Variants in ADAMTS13 observed in about 807,000 individuals in gnomAD.
ADAMTS13 encodes ADAM metallopeptidase with thrombospondin type 1 motif 13.
A neutral mutation model predicts 155.1 loss-of-function variants in ADAMTS13; 110 were observed. That is an observed-to-expected ratio of 0.71 (90% CI 0.61 to 0.83). The LOEUF is 0.83. Ranked by LOEUF, ADAMTS13 falls within the 40% of genes least tolerant of loss-of-function variation. The probability of loss-of-function intolerance (pLI) is 0.00; values close to 1 mark genes in which losing one functional copy is unlikely to be tolerated. For missense variants in ADAMTS13, 1,707 were observed against 1,891.7 expected (o/e 0.90, Z 1.81); for synonymous variants, 758 against 756.4 (o/e 1.00, Z -0.03).
upstream of ADAMTS13, chr9:133,417,932 A>G: frequency 1.5e-6 from 2 of 1,305,192 alleles, no homozygotes; most frequent in South Asian, 1.4e-5. Context: ...GCGCCTGCCC[A>G]GGCCAGGCCG....
upstream of ADAMTS13, among the ~76,000 whole-genome samples, chr9:133,420,932 G>T (rs1839926727): frequency 6.6e-6 from 1 of 152,242 alleles, no homozygotes; most frequent in Non-Finnish European, 1.5e-5. Flanking sequence ...ATGGCAGGAG[G>T]ACAGTGTGGG....
Position 133,429,957 on chromosome 9 carries a change from C to T in ADAMTS13, c.843C>T (p.Cys281=). ...LSLLSAGRAR[C]VWDPPRPQPG... ...GTCGCAGCGCAGGACGGGCGCGCTG[C>T]GTGTGGGACCCGCCGCGGCCTCAAC... Residue 281 remains cysteine, a synonymous_variant, in exon 8 of 29, where the codon TGC becomes TGT. Coordinates refer to ENST00000355699, the MANE Select transcript of ADAMTS13 (RefSeq NM_139027.6). The T allele has an allele frequency of 6.5e-7, 1 of 1,537,640 alleles. No individual in the cohort carries two copies. Among genetic ancestry groups the T allele is most frequent in the Non-Finnish European group, 8.7e-7 (1 of 1,146,398 alleles).
At position 133,458,063 on chromosome 9, in the gene ADAMTS13, G is replaced by T; in HGVS notation, c.3878G>T (p.Gly1293Val). Residue 1293 changes from glycine (G) to valine (V), a missense_variant, in exon 28 of 29, where the codon GGG (glycine) becomes GTG (valine). Around this residue, in one of 3 missense-constraint regions of ADAMTS13, gnomAD observed 961 missense variants for 1,107.9 expected, o/e 0.87. Coordinates refer to ENST00000355699, the MANE Select transcript of ADAMTS13 (RefSeq NM_139027.6). ...IHALATNMGAGTEGANASYIL... is the reference protein window; with the variant it reads ...IHALATNMGAVTEGANASYIL... ...GCCCTGGCCACCAACATGGGCGCTG[G>T]GACCGAGGGAGCCAATGCCAGCTAC... is the stretch of plus-strand genomic sequence containing the variant. The T allele has an allele frequency of 6.2e-7, 1 of 1,613,392 alleles. No individual in the cohort carries two copies. The highest frequency in any genetic ancestry group is 1.1e-5 in the South Asian group (1 of 91,080).
rs1840238086 is a variant in ADAMTS13, at chr9:133,425,743, G to C, written c.414+131G>C. On this transcript the variant is annotated intron_variant, in intron 4 of 28. Coordinates refer to ENST00000355699, the MANE Select transcript of ADAMTS13 (RefSeq NM_139027.6). This position sits in a 1 kb window ranked among gnomAD's most constrained non-coding sequence, Gnocchi z 4.6. Reference sequence around the variant, plus strand: ...ATCACAGAATGCATTCAGCCAGACAGACCAGCTGCCCTCCCAGCTCTACCC... The same window carrying C: ...ATCACAGAATGCATTCAGCCAGACACACCAGCTGCCCTCCCAGCTCTACCC... The C allele has an allele frequency of 2.2e-6, 3 of 1,392,392 alleles. No homozygotes were observed. Among genetic ancestry groups the C allele is most frequent in the Non-Finnish European group, 3.0e-6 (3 of 1,009,446 alleles). The allele number at this position is 1,392,392 out of a possible 1,614,324, so 86.3% of individuals were successfully genotyped here. A position where few individuals can be genotyped will look rare whatever the true frequency, so the allele number is the denominator to read the frequency against.
At chr9:133,418,029 C>T, upstream of ADAMTS13, 5 of 604,220 alleles carry the variant, frequency 8.3e-6, no homozygotes, top group Non-Finnish European at 1.2e-5. Flanking sequence ...ACGCACGCTC[C>T]AGTCCCCGGA....
At chr9:133,444,155 A>G (rs1303961645) in intron 19 of ADAMTS13, among the ~76,000 whole-genome samples, 1 of 152,086 alleles carries the variant, frequency 6.6e-6, no homozygotes, top group Non-Finnish European at 1.5e-5. Context: ...AGGGCCTCAG[A>G]ATCCTTCTCA....
chr9:133,457,885 C>T, intron 27 of ADAMTS13, 25 bp from the exon 28 acceptor site: 1 of 1,613,594 alleles, frequency 6.2e-7, no homozygotes, highest in Admixed American at 1.7e-5. Flanking sequence ...GTCTGGGTTC[C>T]TATGTCCCTA....
In ADAMTS13 at chr9:133,459,192, C is replaced by CATTT; in HGVS notation, c.*13_*16dup. ...AGGAAGGAACCTGAGGGTCATTGAA[C>CATTT]ATTTGTTCCGTGTCTGGCCAGCCCT... is the stretch of plus-strand genomic sequence containing the variant. On this transcript the variant is annotated 3_prime_UTR_variant, in exon 29 of 29. Transcript: ENST00000355699. The CATTT allele has an allele frequency of 1.9e-6, 3 of 1,599,562 alleles. No individual in the cohort carries two copies. In the South Asian group the frequency reaches 3.4e-5, roughly 18 times the overall value.
At chr9:133,433,240 G>A (rs1840906535) in intron 9 of ADAMTS13, 138 bp from the exon 10 acceptor site, 2 of 1,173,640 alleles carry the variant, frequency 1.7e-6, no homozygotes, top group Admixed American at 3.4e-5. Context: ...TTCCTTGTGT[G>A]TGTTTGGGGG....
At chr9:133,451,552 C>T (rs1212432047) in intron 23 of ADAMTS13, among the ~76,000 whole-genome samples, 1 of 152,210 alleles carries the variant, frequency 6.6e-6, no homozygotes, top group Admixed American at 6.5e-5. Flanking sequence ...GCCATCACAC[C>T]TGGCCAGCCT....
At chr9:133,422,934 CTTTT>C (rs71281254) in intron 1 of ADAMTS13, among the ~76,000 whole-genome samples, 163 bp from the exon 2 acceptor site, 1 of 93,228 alleles carries the variant, frequency 1.1e-5, no homozygotes, top group Non-Finnish European at 2.2e-5. Flanking sequence ...CTCTCTCTCT[CTTTT>C]TTTTTTTTTT....
Position 133,445,865 on chromosome 9 carries a change from T to C in ADAMTS13, c.2731+46T>C. The stretch of plus-strand genomic sequence containing the variant: ...CCTGGGGACCAGCACTCATGGTAAC[T>C]CTCCTGTCCACTTGCATCTTGCCTC... On this transcript the variant is annotated intron_variant, in intron 21 of 28. Transcript: ENST00000355699. This position sits in a 1 kb window ranked among gnomAD's most constrained non-coding sequence, Gnocchi z 5.0. The C allele has an allele frequency of 6.6e-7, 1 of 1,520,108 alleles. No individual in the cohort carries two copies. The highest frequency in any genetic ancestry group is 1.3e-5 in the South Asian group (1 of 76,924). The allele number at this position is 1,520,108 out of a possible 1,614,324, so 94.2% of individuals were successfully genotyped here. A position where few individuals can be genotyped will look rare whatever the true frequency, so the allele number is the denominator to read the frequency against.
intron 23 of ADAMTS13, 74 bp downstream of exon 23, chr9:133,450,039 T>C (rs782556984): frequency 4.0e-6 from 6 of 1,503,294 alleles, no homozygotes; most frequent in Non-Finnish European, 5.4e-6. Flanking sequence ...GGTGTGTGCC[T>C]GTAATCGCAG....
At chr9:133,455,961 A>G in intron 25 of ADAMTS13, 108 bp from the exon 26 acceptor site, 1 of 1,472,130 alleles carries the variant, frequency 6.8e-7, no homozygotes, top group Non-Finnish European at 9.4e-7. Flanking sequence ...CTTGGAGGAC[A>G]GGGTCCACCC....
chr9:133,436,133 AT>A (rs1841194341), intron 11 of ADAMTS13, among the ~76,000 whole-genome samples: 1 of 147,414 alleles, frequency 6.8e-6, no homozygotes, highest in African/African-American at 2.5e-5. Flanking sequence ...CTGTTTTTTG[AT>A]TTTGGCCATC....
upstream of ADAMTS13, among the ~76,000 whole-genome samples, chr9:133,421,775 G>A (rs1313966493): frequency 3.3e-5 from 5 of 152,202 alleles, no homozygotes; most frequent in African/African-American, 1.2e-4. Flanking sequence ...GAGAGAGGCT[G>A]CACTTTGAGG....
At chr9:133,414,999 G>C in intron 1 of ADAMTS13, 1 of 1,581,054 alleles carries the variant, frequency 6.3e-7, no homozygotes. Flanking sequence ...TGAGATTTTT[G>C]TTTCAGCAGC....
rs782036565 is a variant in ADAMTS13, at chr9:133,429,987, G to T, written c.873G>T (p.Gly291=). Residue 291 remains glycine (G), a synonymous_variant, in exon 8 of 29, where the codon GGG becomes GGT. Transcript: ENST00000355699. ...CVWDPPRPQP[G]SAGHPPDAQP... ...GGGACCCGCCGCGGCCTCAACCCGG[G>T]TCCGCGGGGCACCCGCCGGATGCGC... 2 of 1,555,180 alleles carry T rather than the reference G, an allele frequency of 1.3e-6. No individual in the cohort carries two copies. Among genetic ancestry groups the T allele is most frequent in the South Asian group, 2.3e-5 (2 of 86,404 alleles).
At chr9:133,443,584 C>T in intron 19 of ADAMTS13, 23 bp downstream of exon 19, 10 of 1,524,692 alleles carry the variant, frequency 6.6e-6, no homozygotes, top group Non-Finnish European at 8.8e-6. Flanking sequence ...CTAGGTGGGG[C>T]TGGGAGAGGG....
Sources: gnomAD v4.1 joint callset for allele counts (sites outside exome capture counted in the v4.1 genomes callset) on GRCh38, gnomAD v4.1.1 for gene constraint, gnomAD v4.1.1 regional missense constraint, Gnocchi (gnomAD v3.1) non-coding constraint, MANE v1.5 for transcripts, NCBI Gene and HGNC (gene_info 2026-07-23, HGNC 2026-07-21) for gene names.